Variants in SLC35F4 observed in about 807,000 individuals in gnomAD.
SLC35F4 encodes the protein chromosome 14 open reading frame 36.
A neutral mutation model predicts 44.2 loss-of-function variants in SLC35F4; 24 were observed. The observed-to-expected ratio is 0.54, with a 90% confidence interval of 0.39 to 0.76. The LOEUF (loss-of-function observed/expected upper bound fraction) is 0.76, where lower values mean the gene tolerates loss of function less well. Among genes scored for constraint, SLC35F4 ranks in the 30% least tolerant of loss-of-function variants. The pLI is 0.00. For synonymous variants in SLC35F4, 238 were observed against 223.6 expected (o/e 1.06, Z -0.57); for missense variants, 562 against 586.1 (o/e 0.96, Z 0.42).
At chr14:57,800,310 AAAC>A (rs1274159964) in intron 1 of SLC35F4, among the ~76,000 whole-genome samples, 3 of 152,324 alleles carry the variant, frequency 2.0e-5, no homozygotes, top group Non-Finnish European at 2.9e-5. Context: ...AACAAACAGA[AAAC>A]AACAACAACA....
intron 1 of SLC35F4, among the ~76,000 whole-genome samples, chr14:57,864,882 G>A (rs1482632582): frequency 6.6e-6 from 1 of 152,250 alleles, no homozygotes; most frequent in Non-Finnish European, 1.5e-5. Context: ...AATATAGCTA[G>A]TGGGTTTGTG....
intron 1 of SLC35F4, among the ~76,000 whole-genome samples, chr14:57,788,406 A>T (rs2077823145): frequency 6.6e-6 from 1 of 152,214 alleles, no homozygotes; most frequent in Non-Finnish European, 1.5e-5. Flanking sequence ...TATACTTTGG[A>T]ACAAATGGAC....
At chr14:57,610,993 T>C (rs956227752) in intron 1 of SLC35F4, among the ~76,000 whole-genome samples, 3 of 152,158 alleles carry the variant, frequency 2.0e-5, no homozygotes, top group Non-Finnish European at 2.9e-5. Flanking sequence ...TGGGTAGTGA[T>C]TGGGAATAGC....
In SLC35F4 at chr14:57,641,969, T is replaced by C. The variant is rs1007052638; in HGVS notation, c.104-47845A>G. ...AGTTACTTGGATGTACTATTGGGGA[T>C]TGCACAATCAACTCTAATCTATAAA... On this transcript the variant is annotated intron_variant, in intron 1 of 7. Transcript: ENST00000556826. Among the ~76,000 whole-genome samples, 24 of 152,190 alleles carry C rather than the reference T, an allele frequency of 1.6e-4. No homozygotes were observed. In the East Asian group the frequency reaches 2.1e-3, roughly 13 times the overall value.
intron 1 of SLC35F4, among the ~76,000 whole-genome samples, chr14:57,626,892 G>T (rs759013269): frequency 2.6e-5 from 4 of 152,106 alleles, no homozygotes; most frequent in Non-Finnish European, 5.9e-5. Context: ...TTCTAAAGAG[G>T]TGTGTAGAGT....
intron 1 of SLC35F4, among the ~76,000 whole-genome samples, chr14:57,979,368 T>C (rs1881310919): frequency 6.6e-6 from 1 of 152,178 alleles, no homozygotes; most frequent in Non-Finnish European, 1.5e-5. Flanking sequence ...ATATGAGTAA[T>C]GCAAGAGGTG....
chr14:57,713,283 A>C (rs908169945), intron 1 of SLC35F4, among the ~76,000 whole-genome samples: 5 of 152,178 alleles, frequency 3.3e-5, no homozygotes, highest in Non-Finnish European at 7.3e-5. Context: ...TCTAAAACAC[A>C]GATCTGTTTC....
chr14:57,652,446 T>C (rs764257812), intron 1 of SLC35F4, among the ~76,000 whole-genome samples: 1 of 152,092 alleles, frequency 6.6e-6, no homozygotes, highest in Non-Finnish European at 1.5e-5. Context: ...TTGGAGCAAA[T>C]TTCTTCTCTC....
intron 1 of SLC35F4, among the ~76,000 whole-genome samples, chr14:57,687,012 C>T (rs34854945): frequency 0.2 from 29,703 of 151,884 alleles, 3,079 homozygotes; most frequent in African/African-American, 0.23. Flanking sequence ...GGTGTCCTTA[C>T]AAGAAAAAGA....
intron 1 of SLC35F4, among the ~76,000 whole-genome samples, chr14:57,650,393 C>A (rs2073735885): frequency 6.6e-6 from 1 of 152,118 alleles, no homozygotes. Context: ...ACATTTACAT[C>A]TCAACAAATA....
intron 1 of SLC35F4, among the ~76,000 whole-genome samples, chr14:57,977,939 T>C (rs1238325981): frequency 6.6e-6 from 1 of 152,178 alleles, no homozygotes; most frequent in Non-Finnish European, 1.5e-5. Context: ...ACCTGTACTT[T>C]TGGCCAGTGG....
chr14:57,781,043 C>A (rs564717615), intron 1 of SLC35F4, among the ~76,000 whole-genome samples: 2 of 152,170 alleles, frequency 1.3e-5, no homozygotes, highest in South Asian at 4.2e-4. Flanking sequence ...AAAGCAATTA[C>A]AACAAAAGCA....
chr14:57,752,713 C>A (rs1042461274), intron 1 of SLC35F4, among the ~76,000 whole-genome samples: 7 of 152,164 alleles, frequency 4.6e-5, no homozygotes, highest in African/African-American at 1.7e-4. Context: ...CCCGCCTCGG[C>A]CTCCCAAAGT....
intron 1 of SLC35F4, among the ~76,000 whole-genome samples, chr14:57,926,733 G>T (rs1429213936): frequency 1.3e-5 from 2 of 149,828 alleles, no homozygotes; most frequent in East Asian, 2.0e-4. Flanking sequence ...GTTGGGGGGG[G>T]GGGGTGGATA....
chr14:57,725,201 A>G (rs1475893601), intron 1 of SLC35F4, among the ~76,000 whole-genome samples: 1 of 152,174 alleles, frequency 6.6e-6, no homozygotes, highest in Non-Finnish European at 1.5e-5. Flanking sequence ...CAATGGGCCC[A>G]TGAACAAAGT....
At chr14:57,684,130 G>T (rs192232403) in intron 1 of SLC35F4, among the ~76,000 whole-genome samples, 1 of 152,210 alleles carries the variant, frequency 6.6e-6, no homozygotes, top group South Asian at 2.1e-4. Context: ...GGAGCCATGA[G>T]AATCACAGCT....
At chr14:57,675,563 G>T (rs1163627246) in intron 1 of SLC35F4, among the ~76,000 whole-genome samples, 1 of 152,016 alleles carries the variant, frequency 6.6e-6, no homozygotes, top group Admixed American at 6.6e-5. Flanking sequence ...GACTATAAGT[G>T]GTGAAAGTGG....
In SLC35F4 at chr14:57,572,077, G is replaced by A. The variant is rs1459037517; in HGVS notation, c.808-58C>T. 5.1e-6 allele frequency: 8 copies of A among 1,566,074 alleles called. No homozygotes were observed. In the East Asian group the frequency reaches 1.6e-4, roughly 32 times the overall value. On this transcript the variant is annotated intron_variant, in intron 4 of 7. Coordinates refer to ENST00000556826, the MANE Select transcript of SLC35F4 (RefSeq NM_001306087.2). The stretch of plus-strand genomic sequence containing the variant: ...AATGATCCCTCTGTATCCTAGAGCA[G>A]GCAATTCAAGACTTCCTGAAAGCTG...
At chr14:57,974,977 A>C (rs950180661), downstream of SLC35F4, among the ~76,000 whole-genome samples, 2 of 152,264 alleles carry the variant, frequency 1.3e-5, no homozygotes, top group African/African-American at 4.8e-5. Context: ...AATGTGGTTT[A>C]CAACTACTTG....
Sources: gnomAD v4.1 joint callset for allele counts (sites outside exome capture counted in the v4.1 genomes callset) on GRCh38, gnomAD v4.1.1 for gene constraint, MANE v1.5 for transcripts, NCBI Gene and HGNC (gene_info 2026-07-23, HGNC 2026-07-21) for gene names.